TUNAR: variants seen among roughly 807,000 people sequenced by gnomAD.
TUNAR encodes the protein protein TUNAR.
chr14:95,890,667 A>G (rs1455930906), intron 2 of TUNAR, among the ~76,000 whole-genome samples: 1 of 152,184 alleles, frequency 6.6e-6, no homozygotes, highest in African/African-American at 2.4e-5. Context: ...TTTGATGTCC[A>G]CAGAAGAGGA....
Position 95,911,544 on chromosome 14 carries a change from CTG to C in TUNAR, c.13-11233_13-11232del, listed in dbSNP as rs147354203. 3.1e-3 allele frequency among the ~76,000 whole-genome samples: 474 copies of C among 152,350 alleles called. 5 individuals are homozygous for C. Among genetic ancestry groups the C allele is most frequent in the African/African-American group, 0.011 (459 of 41,580 alleles). ...TGGAAGGGAGAAGTTGATGCTTCCT[CTG>C]TGTTCTGGCCTCATCTGCTAGATTT... On this transcript the variant is annotated intron_variant, in intron 2 of 2. Transcript: ENST00000678517.
At chr14:95,878,479 G>T (rs1168495617) in intron 2 of TUNAR, among the ~76,000 whole-genome samples, 1 of 152,106 alleles carries the variant, frequency 6.6e-6, no homozygotes, top group Non-Finnish European at 1.5e-5. Context: ...TAGCAGTAGG[G>T]GCCTCTGTGT....
chr14:95,907,134 C>CTTCCT (rs1181351432), intron 2 of TUNAR, among the ~76,000 whole-genome samples: 3 of 152,172 alleles, frequency 2.0e-5, no homozygotes, highest in Non-Finnish European at 4.4e-5. Flanking sequence ...GTCCTTCCTC[C>CTTCCT]TTCCTTTTTG....
intron 2 of TUNAR, among the ~76,000 whole-genome samples, chr14:95,888,244 G>T (rs1439243250): frequency 6.6e-6 from 1 of 152,110 alleles, no homozygotes; most frequent in Non-Finnish European, 1.5e-5. Flanking sequence ...GTGCTTACTG[G>T]GGTAGGGACC....
intron 2 of TUNAR, among the ~76,000 whole-genome samples, chr14:95,906,123 C>G (rs758136580): frequency 3.3e-5 from 5 of 152,154 alleles, no homozygotes; most frequent in Non-Finnish European, 7.3e-5. Context: ...CCTTCCTCAA[C>G]TCTGGAATCA....
intron 2 of TUNAR, among the ~76,000 whole-genome samples, chr14:95,890,922 C>A (rs1889169027): frequency 6.6e-6 from 1 of 152,200 alleles, no homozygotes; most frequent in Non-Finnish European, 1.5e-5. Flanking sequence ...TGTGGGCTTA[C>A]ACCGGGACCC....
intron 2 of TUNAR, among the ~76,000 whole-genome samples, chr14:95,892,357 C>T (rs896307061): frequency 7.9e-5 from 12 of 152,244 alleles, no homozygotes; most frequent in Non-Finnish European, 1.6e-4. Context: ...GTGCCGCTTT[C>T]GCATCTGTCT....
intron 2 of TUNAR, among the ~76,000 whole-genome samples, chr14:95,882,553 C>G (rs994449918): frequency 6.6e-6 from 1 of 152,208 alleles, no homozygotes; most frequent in Admixed American, 6.5e-5. Context: ...CTAAGTCCTT[C>G]GTGGTGGCTA....
intron 2 of TUNAR, among the ~76,000 whole-genome samples, chr14:95,894,641 C>T (rs1234445055): frequency 6.6e-6 from 1 of 152,196 alleles, no homozygotes. Context: ...TCTGCAGGTG[C>T]TGAGCTGTAG....
intron 2 of TUNAR, among the ~76,000 whole-genome samples, chr14:95,902,620 C>A (rs1444509174): frequency 6.6e-6 from 1 of 152,154 alleles, no homozygotes; most frequent in African/African-American, 2.4e-5. Flanking sequence ...ACGCTGATCT[C>A]CCCAGGGGCA....
At position 95,887,549 on chromosome 14, in the gene TUNAR, G is replaced by A. The variant is rs4900299; in HGVS notation, c.12+10372G>A. 1.4e-3 allele frequency among the ~76,000 whole-genome samples: 212 copies of A among 152,292 alleles called. 1 individual carries two copies. Among genetic ancestry groups the A allele is most frequent in the East Asian group, 9.1e-3 (47 of 5,192 alleles). On this transcript the variant is annotated intron_variant, in intron 2 of 2. Transcript: ENST00000678517. Reference sequence around the variant, plus strand: ...CAGTTCCTGCTCATAAAATGCATCCGTCACAGCCCCGTGCAACATAAAGGA... The same window carrying A: ...CAGTTCCTGCTCATAAAATGCATCCATCACAGCCCCGTGCAACATAAAGGA...
At chr14:95,908,782 G>A (rs963158285) in intron 2 of TUNAR, among the ~76,000 whole-genome samples, 4 of 152,162 alleles carry the variant, frequency 2.6e-5, no homozygotes, top group African/African-American at 9.7e-5. Context: ...TACAGATGAG[G>A]ACCAGAGAGG....
chr14:95,910,889 A>G (rs115365611), intron 2 of TUNAR, among the ~76,000 whole-genome samples: 5,050 of 152,344 alleles, frequency 0.033, 183 homozygotes, highest in East Asian at 0.13. Flanking sequence ...GAATGTTGGC[A>G]GAGCTGGCGG....
intron 2 of TUNAR, among the ~76,000 whole-genome samples, chr14:95,881,471 A>G (rs1220870596): frequency 1.3e-5 from 2 of 152,340 alleles, no homozygotes; most frequent in Non-Finnish European, 2.9e-5. Flanking sequence ...AAAGTTATGT[A>G]ACAGCTTTCA....
At chr14:95,908,944 A>T (rs1889469130) in intron 2 of TUNAR, among the ~76,000 whole-genome samples, 1 of 152,158 alleles carries the variant, frequency 6.6e-6, no homozygotes, top group Non-Finnish European at 1.5e-5. Context: ...AGTGGCAGGT[A>T]GGCGGGGGGT....
intron 2 of TUNAR, among the ~76,000 whole-genome samples, chr14:95,899,237 G>A (rs961217129): frequency 6.6e-6 from 1 of 152,266 alleles, no homozygotes; most frequent in East Asian, 1.9e-4. Context: ...AGACCATGCA[G>A]CCACATCTGG....
At chr14:95,896,186 C>T (rs776408655) in intron 2 of TUNAR, among the ~76,000 whole-genome samples, 1 of 152,224 alleles carries the variant, frequency 6.6e-6, no homozygotes, top group African/African-American at 2.4e-5. Flanking sequence ...CACCTGCTGC[C>T]TTTCCTACCG....
At position 95,892,916 on chromosome 14, in the gene TUNAR, C is replaced by T. The variant is rs373154922; in HGVS notation, c.12+15739C>T. 3.7e-4 allele frequency among the ~76,000 whole-genome samples: 57 copies of T among 152,232 alleles called. No homozygotes were observed. The East Asian group carries it at 6.8e-3, about 18-fold the overall frequency. ...GAAGACAGCACCTCGATATGTCTGG[C>T]GGTGCAGGGATAGGTGGCCATGTAA... is the stretch of plus-strand genomic sequence containing the variant. On this transcript the variant is annotated intron_variant, in intron 2 of 2. Coordinates refer to ENST00000678517, the Ensembl canonical transcript of TUNAR.
In TUNAR at chr14:95,891,384, AT is replaced by A. The variant is rs1424691468; in HGVS notation, c.12+14211del. Reference sequence around the variant, plus strand: ...GAGAAAACCACTGGCTTTTGGAATAATTTTCGCCCTCTCTCCACAAGAGCCC... The same window carrying A: ...GAGAAAACCACTGGCTTTTGGAATAATTTCGCCCTCTCTCCACAAGAGCCC... On this transcript the variant is annotated intron_variant, in intron 2 of 2. Transcript: ENST00000678517. 8.5e-5 allele frequency among the ~76,000 whole-genome samples: 13 copies of A among 152,182 alleles called. 1 individual carries two copies. Among genetic ancestry groups the A allele is most frequent in the Admixed American group, 8.5e-4 (13 of 15,284 alleles).
Sources: gnomAD v4.1 joint callset for allele counts (sites outside exome capture counted in the v4.1 genomes callset) on GRCh38, gnomAD v4.1.1 for gene constraint, MANE v1.5 for transcripts, NCBI Gene and HGNC (gene_info 2026-07-23, HGNC 2026-07-21) for gene names.